The following PPP1R1B variants were observed in gnomAD, a reference collection of about 807,000 sequenced individuals.
PPP1R1B encodes the protein protein phosphatase 1 regulatory subunit 1B.
A neutral mutation model predicts 28.2 loss-of-function variants in PPP1R1B; 13 were observed. That is an observed-to-expected ratio of 0.46 (90% CI 0.30 to 0.73). The LOEUF (loss-of-function observed/expected upper bound fraction) is 0.73. PPP1R1B is among the 30% of genes least tolerant of loss of function. The probability of loss-of-function intolerance (pLI) is 0.07; values close to 1 mark genes in which losing one functional copy is unlikely to be tolerated. For synonymous variants in PPP1R1B, 102 were observed against 97.5 expected, an observed-to-expected ratio of 1.05 and a Z score of -0.27; for missense variants, 236 against 256.7, an observed-to-expected ratio of 0.92 and a Z score of 0.55.
chr17:39,634,178 C>T (rs573754871), intron 5 of PPP1R1B, 92 bp downstream of exon 5: 2 of 1,517,252 alleles, frequency 1.3e-6, no homozygotes, highest in African/African-American at 2.7e-5. Context: ...CTCATACACG[C>T]AAACTGTAGT....
intron 4 of PPP1R1B, among the ~76,000 whole-genome samples, chr17:39,631,609 C>T (rs763624154): frequency 3.9e-5 from 6 of 152,200 alleles, no homozygotes; most frequent in Non-Finnish European, 8.8e-5. Flanking sequence ...GGAAGTGGTT[C>T]GGGGGAGGGT....
Position 39,627,453 on chromosome 17 carries a change from G to A in PPP1R1B, c.61G>A (p.Asp21Asn). 6.3e-7 allele frequency: 1 copy of A among 1,595,472 alleles called. No homozygotes were observed. The highest frequency in any genetic ancestry group is 8.5e-7 in the Non-Finnish European group (1 of 1,171,438). The change falls in exon 1 of 7, where the codon GAC (aspartate) becomes AAC (asparagine). Residue 21 changes from aspartate to asparagine, a missense_variant. Transcript: ENST00000254079. ...GGTGCCCGCGCCCCCTAGCCAGCTC[G>A]ACCCCCGCCAGGTGGAGATGGTAAG... ...FSVPAPPSQLDPRQVEMIRRR... is the reference protein window; with the variant it reads ...FSVPAPPSQLNPRQVEMIRRR...
chr17:39,634,397 G>A (rs2056901768), intron 5 of PPP1R1B, among the ~76,000 whole-genome samples: 1 of 152,228 alleles, frequency 6.6e-6, no homozygotes. Flanking sequence ...TGGCAGTAAG[G>A]GGGCGTGAGG....
intron 4 of PPP1R1B, chr17:39,632,323 A>C (rs2056884459): frequency 6.4e-6 from 1 of 155,128 alleles, no homozygotes; most frequent in South Asian, 2.0e-4. Flanking sequence ...CACCAGCGCA[A>C]GCACCGCACA....
chr17:39,631,033 C>A (rs2056873439), intron 4 of PPP1R1B, among the ~76,000 whole-genome samples: 2 of 151,860 alleles, frequency 1.3e-5, no homozygotes, highest in Non-Finnish European at 2.9e-5. Flanking sequence ...CGCACCATTG[C>A]ACTCCAGTCT....
chr17:39,633,591 G>C (rs187219094), intron 4 of PPP1R1B: 2 of 335,298 alleles, frequency 6.0e-6, no homozygotes, highest in South Asian at 6.5e-5. Context: ...TGCTGTGCCC[G>C]CCTGGTCTTG....
intron 3 of PPP1R1B, 62 bp downstream of exon 3, chr17:39,629,624 G>T: frequency 6.3e-7 from 1 of 1,576,522 alleles, no homozygotes; most frequent in Non-Finnish European, 8.7e-7. Context: ...GGGTGGACGG[G>T]TGCCTGCAGT....
In PPP1R1B at chr17:39,636,154, G is replaced by C; in HGVS notation, c.*289G>C. On this transcript the variant is annotated 3_prime_UTR_variant, in exon 7 of 7. Coordinates refer to ENST00000254079, the MANE Select transcript of PPP1R1B (RefSeq NM_032192.4). The stretch of plus-strand genomic sequence containing the variant: ...CCACATTGGAAAATCCAGAAAACCG[G>C]GAACAGGGATTTGCCCTTCACAATT... The C allele has an allele frequency of 2.1e-6, 1 of 471,468 alleles. No homozygotes were observed. The allele number at this position is 471,468 out of a possible 1,614,324, so 29.2% of individuals were successfully genotyped here.
intron 4 of PPP1R1B, chr17:39,632,556 TAGAG>T (rs1420808049): frequency 2.6e-5 from 4 of 152,216 alleles, no homozygotes; most frequent in African/African-American, 9.7e-5. Flanking sequence ...TCGAGGGCCC[TAGAG>T]AGAGGGGCAC....
At chr17:39,633,740 T>G in intron 4 of PPP1R1B, 143 bp from the exon 5 acceptor site, 3 of 1,454,464 alleles carry the variant, frequency 2.1e-6, no homozygotes, top group Non-Finnish European at 2.8e-6. Flanking sequence ...CTGTCAACTT[T>G]GGCCTTTGAA....
At chr17:39,627,926 G>C (rs899827728) in intron 1 of PPP1R1B, among the ~76,000 whole-genome samples, 3 of 152,120 alleles carry the variant, frequency 2.0e-5, no homozygotes, top group African/African-American at 4.8e-5. Flanking sequence ...CTGCCACCGG[G>C]TGAATCCACT....
chr17:39,630,119 T>C (rs1338123949), intron 4 of PPP1R1B, 72 bp downstream of exon 4: 1 of 1,411,806 alleles, frequency 7.1e-7, no homozygotes, highest in African/African-American at 1.4e-5. Flanking sequence ...AGGGGAGCTT[T>C]TGTCAGTGGG....
At chr17:39,630,116 C>A in intron 4 of PPP1R1B, 69 bp downstream of exon 4, 1 of 1,444,628 alleles carries the variant, frequency 6.9e-7, no homozygotes, top group Non-Finnish European at 9.7e-7. Flanking sequence ...GCTAGGGGAG[C>A]TTTTGTCAGT....
intron 1 of PPP1R1B, chr17:39,628,428 C>T (rs1044340079): frequency 4.8e-6 from 4 of 830,608 alleles, no homozygotes; most frequent in Non-Finnish European, 5.8e-6. Context: ...GGTCTGATTG[C>T]CAAGCTGAGG....
rs780513596 is a variant in PPP1R1B at position 39,629,952 on chromosome 17, C to T, written c.166-20C>T. 193 of 1,613,296 alleles carry T rather than the reference C, an allele frequency of 1.2e-4. No homozygotes were observed. Among genetic ancestry groups the T allele is most frequent in the Non-Finnish European group, 1.5e-4 (180 of 1,179,376 alleles). On this transcript the variant is annotated intron_variant, in intron 3 of 6. Transcript: ENST00000254079. ...AAGGGCCTCTGCTGAGCCCCTTTAA[C>T]CTGGCACTTCCCCTGGCAGAGAGCC...
chr17:39,635,796 CCT>C lies in PPP1R1B; in HGVS notation c.566-15_566-14del. 6.2e-7 allele frequency: 1 copy of C among 1,613,858 alleles called. No homozygotes were observed. Among genetic ancestry groups the C allele is most frequent in the Non-Finnish European group, 8.5e-7 (1 of 1,179,872 alleles). On this transcript the variant is annotated intron_variant, in intron 6 of 6. Coordinates refer to ENST00000254079, the MANE Select transcript of PPP1R1B (RefSeq NM_032192.4). ...GGTGGGTGGGGCCAGGCCCTGAGTC[CCT>C]CTCTGCTTGCCTTTCAGAGCCTGGG...
upstream of PPP1R1B, chr17:39,626,802 C>T (rs867928866): frequency 1.6e-4 from 25 of 152,456 alleles, no homozygotes; most frequent in African/African-American, 5.6e-4. Context: ...GGCTCTAACT[C>T]CCACCCTCCT....
chr17:39,628,246 T>G, intron 1 of PPP1R1B, among the ~76,000 whole-genome samples: 1 of 149,384 alleles, frequency 6.7e-6, no homozygotes, highest in Non-Finnish European at 1.5e-5. Flanking sequence ...GGGGGCCAAG[T>G]CATTATGGGG....
Position 39,627,339 on chromosome 17 carries a change from C to G in PPP1R1B, c.-54C>G. ...CTGCGCGGGGGAGCCCAGCACAGAC[C>G]GCCGCCGGGACCCCGAGTCGCGCAC... On this transcript the variant is annotated 5_prime_UTR_variant, in exon 1 of 7. Coordinates refer to ENST00000254079, the MANE Select transcript of PPP1R1B (RefSeq NM_032192.4). 7.5e-7 allele frequency: 1 copy of G among 1,330,228 alleles called. No individual in the cohort carries two copies. Among genetic ancestry groups the G allele is most frequent in the Non-Finnish European group, 1.1e-6 (1 of 950,664 alleles). 82.4% of individuals were successfully genotyped at this position (1,330,228 alleles called of 1,614,324 possible).
Sources: allele counts gnomAD v4.1 joint callset (sites outside exome capture counted in the v4.1 genomes callset), GRCh38; gene constraint gnomAD v4.1.1; transcripts MANE v1.5; gene names NCBI Gene and HGNC (gene_info 2026-07-23, HGNC 2026-07-21).